Variants in TECPR2 observed in about 807,000 individuals in gnomAD.
TECPR2 encodes tectonin beta-propeller repeat containing 2.
TECPR2 carries 65 observed loss-of-function variants against 138.1 expected under a neutral mutation model. The ratio of observed to expected loss-of-function variants is 0.47; its 90% CI spans 0.39 to 0.58. TECPR2 has a LOEUF of 0.58. Among genes scored for constraint, TECPR2 ranks in the 20% least tolerant of loss-of-function variants. TECPR2 has a pLI of 0.00. For missense variants in TECPR2, 1,553 were observed against 1,824.5 expected (o/e 0.85, Z 2.71); for synonymous variants, 746 against 749.8 (o/e 0.99, Z 0.08).
At chr14:102,463,998 A>G (rs1171137472) in intron 16 of TECPR2, among the ~76,000 whole-genome samples, 4 of 152,226 alleles carry the variant, frequency 2.6e-5, no homozygotes, top group Non-Finnish European at 5.9e-5. Context: ...TGCTGTAGGT[A>G]AAGTCTCAGA....
intron 11 of TECPR2, among the ~76,000 whole-genome samples, chr14:102,441,183 G>A (rs975561574): frequency 6.6e-6 from 1 of 152,132 alleles, no homozygotes; most frequent in Non-Finnish European, 1.5e-5. Context: ...TCCTGCCTCA[G>A]CTTCCTGATC....
chr14:102,418,971 G>A (rs1220343660), intron 5 of TECPR2, among the ~76,000 whole-genome samples: 1 of 152,116 alleles, frequency 6.6e-6, no homozygotes, highest in Admixed American at 6.5e-5. Context: ...AGATGGAACA[G>A]CCTGCTGTGG....
At position 102,373,188 on chromosome 14, in the gene TECPR2, G is replaced by GT. The variant is rs547215688; in HGVS notation, c.-72-3452dup. ...TAACTATGATGCCTACTTCATGTTT[G>GT]TTTTTTTTTTCTTTCTTTTTGGTGA... is the stretch of plus-strand genomic sequence containing the variant. On this transcript the variant is annotated intron_variant, in intron 1 of 19. Coordinates refer to ENST00000359520, the MANE Select transcript of TECPR2 (RefSeq NM_014844.5). Among the ~76,000 whole-genome samples, 1,367 of 147,370 alleles carry GT rather than the reference G, an allele frequency of 9.3e-3. 20 individuals carry two copies. Among genetic ancestry groups the GT allele is most frequent in the East Asian group, 0.061 (308 of 5,056 alleles).
chr14:102,370,182 C>T (rs982545864), intron 1 of TECPR2, among the ~76,000 whole-genome samples: 3 of 151,940 alleles, frequency 2.0e-5, no homozygotes, highest in Non-Finnish European at 4.4e-5. Context: ...AGCGATTCTC[C>T]TGCCTCAGCC....
chr14:102,463,821 G>A lies in TECPR2; in HGVS notation c.3641-1320G>A, dbSNP rs1371182166. 2.7e-5 allele frequency among the ~76,000 whole-genome samples: 4 copies of A among 150,242 alleles called. No individual in the cohort carries two copies. In the East Asian group the frequency reaches 8.1e-4, roughly 31 times the overall value. ...CGCCTGTAATCCCAGCTACTCAGGA[G>A]GCTGAGGCACGAGAATCACTTGAAC... On this transcript the variant is annotated intron_variant, in intron 16 of 19. Coordinates refer to ENST00000359520, the MANE Select transcript of TECPR2 (RefSeq NM_014844.5).
intron 16 of TECPR2, among the ~76,000 whole-genome samples, chr14:102,462,133 C>CT (rs1194918258): frequency 1.2e-4 from 18 of 152,220 alleles, no homozygotes; most frequent in Admixed American, 2.0e-4. Context: ...GCTGCCAACT[C>CT]TGAGATGCTG....
At chr14:102,477,651 T>TA (rs1890794848) in intron 17 of TECPR2, among the ~76,000 whole-genome samples, 1 of 142,982 alleles carries the variant, frequency 7.0e-6, no homozygotes, top group Non-Finnish European at 1.5e-5. Flanking sequence ...CCTGGGTTCA[T>TA]ACCATTCTCC....
At chr14:102,408,750 A>G (rs1407268202) in intron 4 of TECPR2, 131 bp downstream of exon 4, 4 of 1,046,354 alleles carry the variant, frequency 3.8e-6, no homozygotes, top group Non-Finnish European at 5.3e-6. Flanking sequence ...TGTTATTTGT[A>G]ACATTTACTT....
chr14:102,403,254 T>C (rs1272368335), intron 2 of TECPR2, among the ~76,000 whole-genome samples: 2 of 152,210 alleles, frequency 1.3e-5, no homozygotes, highest in African/African-American at 2.4e-5. Context: ...TTACCTAATA[T>C]GCTGTTTTAA....
intron 16 of TECPR2, 101 bp from the exon 17 acceptor site, chr14:102,465,040 A>C: frequency 6.9e-7 from 1 of 1,444,786 alleles, no homozygotes; most frequent in East Asian, 2.3e-5. Context: ...ATGCAGCCTC[A>C]TTTCTTTCTT....
intron 15 of TECPR2, among the ~76,000 whole-genome samples, chr14:102,451,019 A>G (rs1424521013): frequency 6.6e-6 from 1 of 152,150 alleles, no homozygotes; most frequent in Non-Finnish European, 1.5e-5. Context: ...GTCACCTCCC[A>G]GCAACTTCCT....
chr14:102,410,429 T>A (rs566506203), intron 4 of TECPR2, among the ~76,000 whole-genome samples: 57 of 147,738 alleles, frequency 3.9e-4, no homozygotes, highest in Admixed American at 1.2e-3. Context: ...CAAATCCCCC[T>A]CTGTGAGAAA....
intron 17 of TECPR2, 97 bp downstream of exon 17, chr14:102,465,386 C>G (rs1890531760): frequency 6.6e-7 from 1 of 1,505,518 alleles, no homozygotes; most frequent in Non-Finnish European, 8.8e-7. Flanking sequence ...CCTCTAGAGG[C>G]CTCCCAGCAA....
intron 5 of TECPR2, among the ~76,000 whole-genome samples, chr14:102,421,288 A>G: frequency 6.6e-6 from 1 of 152,358 alleles, no homozygotes; most frequent in East Asian, 1.9e-4. Context: ...TCTCCAGAAC[A>G]AACCCACCAA....
At chr14:102,470,904 C>T (rs58146210) in intron 17 of TECPR2, among the ~76,000 whole-genome samples, 15,047 of 151,492 alleles carry the variant, frequency 0.099, 1,095 homozygotes, top group African/African-American at 0.22. Flanking sequence ...CTGCAGCCTC[C>T]GCCTCCTGGG....
intron 17 of TECPR2, among the ~76,000 whole-genome samples, chr14:102,483,817 T>TGGTGTTTTTGCCC (rs1890953018): frequency 7.1e-6 from 1 of 141,098 alleles, no homozygotes; most frequent in African/African-American, 2.7e-5. Context: ...TTTTTTGAGT[T>TGGTGTTTTTGCCC]GGTGTTTTTG....
chr14:102,381,006 G>A (rs1204583838), intron 2 of TECPR2, among the ~76,000 whole-genome samples: 3 of 144,100 alleles, frequency 2.1e-5, no homozygotes, highest in East Asian at 2.0e-4. Flanking sequence ...GCAGAGTTTC[G>A]CTCTTGTTGC....
At chr14:102,462,980 C>T (rs569057689) in intron 16 of TECPR2, among the ~76,000 whole-genome samples, 3 of 152,264 alleles carry the variant, frequency 2.0e-5, no homozygotes, top group Non-Finnish European at 4.4e-5. Context: ...GCAGGAAATA[C>T]AAATTAAAGC....
At chr14:102,376,982 T>C (rs1355299817) in intron 2 of TECPR2, 42 bp downstream of exon 2, 1 of 1,577,680 alleles carries the variant, frequency 6.3e-7, no homozygotes, top group African/African-American at 1.3e-5. Context: ...GCACGAGCCA[T>C]AGCTGACGCT....
Sources: allele counts gnomAD v4.1 joint callset (sites outside exome capture counted in the v4.1 genomes callset), GRCh38; gene constraint gnomAD v4.1.1; transcripts MANE v1.5; gene names NCBI Gene and HGNC (gene_info 2026-07-23, HGNC 2026-07-21).